ZC3H12D: variants seen among roughly 807,000 people sequenced by gnomAD.
ZC3H12D encodes zinc finger CCCH-type containing 12D.
ZC3H12D carries 11 observed loss-of-function variants against 24.2 expected under a neutral mutation model. That is an observed-to-expected ratio of 0.46 (90% CI 0.29 to 0.75). The LOEUF is 0.75. Ranked by LOEUF, ZC3H12D falls within the 30% of genes least tolerant of loss-of-function variation. The probability of loss-of-function intolerance (pLI) is 0.11; values close to 1 mark genes in which losing one functional copy is unlikely to be tolerated. For missense variants in ZC3H12D, 740 were observed against 767.7 expected (o/e 0.96, Z 0.43); for synonymous variants, 333 against 341.8 (o/e 0.97, Z 0.28).
chr6:149,477,681 C>G (rs998609754), intron 1 of ZC3H12D, among the ~76,000 whole-genome samples: 4 of 150,956 alleles, frequency 2.6e-5, no homozygotes, highest in Non-Finnish European at 4.4e-5. Context: ...ATGTCTTGCT[C>G]ACACCTCCCA....
At chr6:149,468,328 G>A (rs890569886) in intron 2 of ZC3H12D, among the ~76,000 whole-genome samples, 1 of 152,180 alleles carries the variant, frequency 6.6e-6, no homozygotes, top group Non-Finnish European at 1.5e-5. Context: ...GAAGTGGGTT[G>A]GCACCCAAGG....
rs939001401 is a variant in ZC3H12D at position 149,451,308 on chromosome 6, G to A, written c.959C>T (p.Ala320Val). 4.5e-6 allele frequency: 6 copies of A among 1,329,850 alleles called. No homozygotes were observed. The Admixed American group carries it at 1.7e-4, about 37-fold the overall frequency. 82.4% of individuals were successfully genotyped at this position (1,329,850 alleles called of 1,614,324 possible). The change falls in exon 6 of 6, where the codon GCG (alanine) becomes GTG (valine). Residue 320 changes from alanine to valine, a missense_variant. By Grantham distance (64) the Ala-to-Val change is moderately conservative (BLOSUM62 0). Transcript: ENST00000409806. Reference protein sequence around the residue: ...RAPGGSAGARAAPREPFAHSL... With the variant: ...RAPGGSAGARVAPREPFAHSL... ...GTGCGCAAATGGTTCCCGGGGGGCC[G>A]CCCGGGCTCCTGCGGAGCCGCCCGG...
At chr6:149,460,941 T>A (rs1776063251) in intron 3 of ZC3H12D, among the ~76,000 whole-genome samples, 1 of 152,022 alleles carries the variant, frequency 6.6e-6, no homozygotes, top group South Asian at 2.1e-4. Flanking sequence ...GGAGAGCAAG[T>A]CTGCAATGAG....
chr6:149,450,718 A>T lies in ZC3H12D; in HGVS notation c.1549T>A (p.Cys517Ser). The T allele has an allele frequency of 6.5e-7, 1 of 1,543,880 alleles. No individual in the cohort carries two copies. Among genetic ancestry groups the T allele is most frequent in the South Asian group, 1.2e-5 (1 of 83,784 alleles). Residue 517 changes from cysteine (C) to serine (S), a missense_variant, in exon 6 of 6, where the codon TGC becomes AGC. Transcript: ENST00000409806. ...LARLILLVQR[C>S]QSAGAPLGKP ...CCCAGGGGCGCCCCCGCGCTCTGGC[A>T]TCTCTGTACCAGGAGGATGAGCCTG...
At position 149,466,615 on chromosome 6, in the gene ZC3H12D, C is replaced by A. The variant is rs561924051; in HGVS notation, c.306-4645G>T. Among the ~76,000 whole-genome samples the A allele has an allele frequency of 1.5e-3, 235 of 152,220 alleles. 1 individual carries two copies. The highest frequency in any genetic ancestry group is 5.3e-3 in the African/African-American group (222 of 41,538). On this transcript the variant is annotated intron_variant, in intron 2 of 5. Transcript: ENST00000409806. ...TTTCTTGGCTGGGTGCTGTGGCTCA[C>A]GCCTGTAATCCCAGCACTTTGGGAG...
chr6:149,451,162 G>A lies in ZC3H12D; in HGVS notation c.1105C>T (p.Leu369Phe). The A allele has an allele frequency of 7.5e-7, 1 of 1,325,580 alleles. No homozygotes were observed. Among genetic ancestry groups the A allele is most frequent in the Non-Finnish European group, 9.6e-7 (1 of 1,043,820 alleles). The allele number at this position is 1,325,580 out of a possible 1,614,324, so 82.1% of individuals were successfully genotyped here. ...TCGGGCCCGCCCAGTCGGGGCGTGA[G>A]GCTGCAGGCGGGGACCGGGAGAGGC... ...GPPLPVPACSLTPRLGGPDWV... is the reference protein window; with the variant it reads ...GPPLPVPACSFTPRLGGPDWV... The change falls in exon 6 of 6, where the codon CTC becomes TTC. Residue 369 changes from leucine (L) to phenylalanine (F), a missense_variant. Coordinates refer to ENST00000409806, the MANE Select transcript of ZC3H12D (RefSeq NM_207360.3).
Position 149,456,622 on chromosome 6 carries a change from C to CCCCCCCCCCCCCCCCCCCGGGTGAAG in ZC3H12D, c.680+43_680+44insCTTCACCCGGGGGGGGGGGGGGGGGG. ...GGCCACTGCCTCGACCCCGGCCCCC[C>CCCCCCCCCCCCCCCCCCCGGGTGAAG]GCCCCGCCGCCCCCCAGGGTGTCAG... On this transcript the variant is annotated intron_variant, in intron 4 of 5. Transcript: ENST00000409806. The surrounding 1 kb of genome is among the most constrained non-coding windows in gnomAD (Gnocchi z 4.3). 1 of 1,314,356 alleles carries CCCCCCCCCCCCCCCCCCCGGGTGAAG rather than the reference C, an allele frequency of 7.6e-7. No individual in the cohort carries two copies. Among genetic ancestry groups the CCCCCCCCCCCCCCCCCCCGGGTGAAG allele is most frequent in the Non-Finnish European group, 1.1e-6 (1 of 921,304 alleles). 81.4% of individuals were successfully genotyped at this position (1,314,356 alleles called of 1,614,324 possible). A position where few individuals can be genotyped will look rare whatever the true frequency, so the allele number is the denominator to read the frequency against.
chr6:149,451,917 A>G (rs1382977494), intron 5 of ZC3H12D, among the ~76,000 whole-genome samples: 3 of 152,204 alleles, frequency 2.0e-5, no homozygotes, highest in East Asian at 3.9e-4. Flanking sequence ...GTGCCGCCTC[A>G]GTTCCCACCG....
At chr6:149,469,695 A>C (rs1458134943) in intron 2 of ZC3H12D, among the ~76,000 whole-genome samples, 1 of 152,044 alleles carries the variant, frequency 6.6e-6, no homozygotes, top group Non-Finnish European at 1.5e-5. Flanking sequence ...AGGTATGGAG[A>C]CTGCACTGAG....
chr6:149,466,768 C>G (rs1776169515), intron 2 of ZC3H12D, among the ~76,000 whole-genome samples: 1 of 151,982 alleles, frequency 6.6e-6, no homozygotes, highest in African/African-American at 2.4e-5. Context: ...CCCAGTTACA[C>G]AGGAGGCTGA....
At chr6:149,460,552 G>A (rs990289352) in intron 3 of ZC3H12D, among the ~76,000 whole-genome samples, 1 of 152,068 alleles carries the variant, frequency 6.6e-6, no homozygotes, top group East Asian at 1.9e-4. Context: ...AAACTAGCTA[G>A]GGCAGGGTGC....
In ZC3H12D at chr6:149,474,613, G is replaced by C; in HGVS notation, c.-70C>G. 1 of 1,329,356 alleles carries C rather than the reference G, an allele frequency of 7.5e-7. No individual in the cohort carries two copies. The allele number at this position is 1,329,356 out of a possible 1,614,324, so 82.3% of individuals were successfully genotyped here. ...TCCTCTCAGAGCCCTGCAGACATGA[G>C]CTAAAGAGAAAAAAAATGCATCCAT... On this transcript the variant is annotated splice_region_variant and 5_prime_UTR_variant, in exon 2 of 6. Coordinates refer to ENST00000409806, the MANE Select transcript of ZC3H12D (RefSeq NM_207360.3).
chr6:149,466,652 C>T (rs1050694422), intron 2 of ZC3H12D, among the ~76,000 whole-genome samples: 1 of 152,040 alleles, frequency 6.6e-6, no homozygotes, highest in South Asian at 2.1e-4. Context: ...CCGAGGCGGG[C>T]GGATCACGAG....
chr6:149,469,377 G>A (rs981019730), intron 2 of ZC3H12D, among the ~76,000 whole-genome samples: 2 of 152,068 alleles, frequency 1.3e-5, no homozygotes, highest in Admixed American at 1.3e-4. Context: ...GGAATGGCGT[G>A]AACCCGGGAG....
intron 1 of ZC3H12D, among the ~76,000 whole-genome samples, chr6:149,484,255 T>A (rs2115016816): frequency 6.6e-6 from 1 of 152,342 alleles, no homozygotes; most frequent in Non-Finnish European, 1.5e-5. Context: ...TGCAGTCAGA[T>A]TAACATTTAG....
chr6:149,454,962 C>T (rs1775956382), intron 4 of ZC3H12D, among the ~76,000 whole-genome samples: 2 of 152,266 alleles, frequency 1.3e-5, no homozygotes, highest in Non-Finnish European at 1.5e-5. Flanking sequence ...CCCCCTGCTG[C>T]ACCATGTCCT....
chr6:149,456,628 G>GGGGGCAGGAA lies in ZC3H12D; in HGVS notation c.680+37_680+38insTTCCTGCCCC. The stretch of plus-strand genomic sequence containing the variant: ...TGCCTCGACCCCGGCCCCCCGCCCC[G>GGGGGCAGGAA]CCGCCCCCCAGGGTGTCAGGACCCC... On this transcript the variant is annotated intron_variant, in intron 4 of 5. Coordinates refer to ENST00000409806, the MANE Select transcript of ZC3H12D (RefSeq NM_207360.3). This position sits in a 1 kb window ranked among gnomAD's most constrained non-coding sequence, Gnocchi z 4.3. The GGGGGCAGGAA allele has an allele frequency of 1.3e-6, 1 of 787,348 alleles. No individual in the cohort carries two copies. Among genetic ancestry groups the GGGGGCAGGAA allele is most frequent in the Non-Finnish European group, 2.0e-6 (1 of 491,394 alleles). The allele number at this position is 787,348 out of a possible 1,614,324, so 48.8% of individuals were successfully genotyped here.
chr6:149,458,480 G>A (rs1167630021), intron 3 of ZC3H12D, among the ~76,000 whole-genome samples: 1 of 152,002 alleles, frequency 6.6e-6, no homozygotes, highest in East Asian at 1.9e-4. Context: ...GACACAAATG[G>A]AATCATACTA....
chr6:149,465,614 G>A (rs1776145788), intron 2 of ZC3H12D, among the ~76,000 whole-genome samples: 1 of 151,988 alleles, frequency 6.6e-6, no homozygotes, highest in Non-Finnish European at 1.5e-5. Flanking sequence ...ATTTAGCTAG[G>A]TGTGATGGCA....
Sources: allele counts gnomAD v4.1 joint callset (sites outside exome capture counted in the v4.1 genomes callset), GRCh38; gene constraint gnomAD v4.1.1; non-coding constraint Gnocchi (gnomAD v3.1); transcripts MANE v1.5; gene names NCBI Gene and HGNC (gene_info 2026-07-23, HGNC 2026-07-21).